RIPK1: variants seen among roughly 807,000 people sequenced by gnomAD.
The protein encoded by RIPK1 is receptor interacting serine/threonine kinase 1, also known as receptor-interacting serine/threonine-protein kinase 1.
In RIPK1, 27 loss-of-function variants were observed where a neutral mutation model predicts 62.4. The observed-to-expected ratio is 0.43, with a 90% CI of 0.32 to 0.60. The LOEUF is 0.60. RIPK1 is among the 20% of genes least tolerant of loss of function. The pLI is 0.07. For synonymous variants in RIPK1, 287 were observed against 303.2 expected (o/e 0.95, Z 0.55); for missense variants, 735 against 831.0 (o/e 0.88, Z 1.42).
chr6:3,067,287 T>C (rs1201682920), upstream of RIPK1, among the ~76,000 whole-genome samples: 3 of 152,118 alleles, frequency 2.0e-5, no homozygotes, highest in Admixed American at 6.6e-5. Flanking sequence ...TTGCTTCATC[T>C]TATGGTAAGA....
upstream of RIPK1, among the ~76,000 whole-genome samples, chr6:3,066,810 A>G (rs1352174788): frequency 1.3e-5 from 2 of 152,214 alleles, no homozygotes; most frequent in Non-Finnish European, 2.9e-5. Flanking sequence ...TTCAAGATAC[A>G]TTTGACAAAT....
chr6:3,099,265 C>T (rs1581423481), intron 7 of RIPK1, among the ~76,000 whole-genome samples: 1 of 152,186 alleles, frequency 6.6e-6, no homozygotes, highest in Non-Finnish European at 1.5e-5. Flanking sequence ...CAAAAATAGG[C>T]CGGGTGCGGT....
chr6:3,087,501 TC>T (rs1379388316), intron 6 of RIPK1, among the ~76,000 whole-genome samples: 4 of 152,092 alleles, frequency 2.6e-5, no homozygotes, highest in Admixed American at 1.3e-4. Context: ...CATTCTGTCT[TC>T]CAGTTCACTG....
At chr6:3,111,786 G>A (rs560644860) in intron 10 of RIPK1, among the ~76,000 whole-genome samples, 5 of 152,258 alleles carry the variant, frequency 3.3e-5, no homozygotes, top group African/African-American at 1.2e-4. Context: ...GAATGGTCAG[G>A]GGCACCTGTG....
chr6:3,084,304 C>T (rs541421453), intron 5 of RIPK1, among the ~76,000 whole-genome samples: 3 of 152,248 alleles, frequency 2.0e-5, no homozygotes, highest in Admixed American at 1.3e-4. Flanking sequence ...GGATGAAGTT[C>T]GAATTCCTCA....
At chr6:3,074,198 T>C (rs1223742437) in intron 1 of RIPK1, among the ~76,000 whole-genome samples, 1 of 152,226 alleles carries the variant, frequency 6.6e-6, no homozygotes, top group Non-Finnish European at 1.5e-5. Flanking sequence ...CCCTGCCCAC[T>C]CAGCCTCACC....
intron 6 of RIPK1, among the ~76,000 whole-genome samples, chr6:3,089,377 C>T (rs1759895071): frequency 6.6e-6 from 1 of 152,188 alleles, no homozygotes; most frequent in Non-Finnish European, 1.5e-5. Context: ...GAGGCAGAAA[C>T]CCCTGGTTTC....
At chr6:3,071,275 TGG>T (rs1758698567) in intron 1 of RIPK1, among the ~76,000 whole-genome samples, 1 of 152,130 alleles carries the variant, frequency 6.6e-6, no homozygotes, top group Non-Finnish European at 1.5e-5. Context: ...CATAGAAAAA[TGG>T]GGAAAAAGTT....
intron 7 of RIPK1, among the ~76,000 whole-genome samples, chr6:3,103,598 A>G (rs904305622): frequency 2.6e-5 from 4 of 151,680 alleles, no homozygotes; most frequent in Non-Finnish European, 4.4e-5. Flanking sequence ...TTATCTTTTT[A>G]CTCTTTTCAT....
intron 7 of RIPK1, among the ~76,000 whole-genome samples, chr6:3,094,470 G>A (rs1297626343): frequency 6.6e-6 from 1 of 151,310 alleles, no homozygotes; most frequent in African/African-American, 2.4e-5. Flanking sequence ...AAATCACAAT[G>A]GTATTTAGAA....
chr6:3,078,264 CAGG>C (rs1445707407), intron 3 of RIPK1, among the ~76,000 whole-genome samples: 2 of 152,108 alleles, frequency 1.3e-5, no homozygotes, highest in African/African-American at 4.8e-5. Flanking sequence ...GCACTTTTGG[CAGG>C]AGGATCACTT....
At chr6:3,076,496 C>T (rs1581384645) in intron 1 of RIPK1, among the ~76,000 whole-genome samples, 1 of 151,278 alleles carries the variant, frequency 6.6e-6, no homozygotes, top group East Asian at 2.0e-4. Context: ...AGTGAGATCC[C>T]CCGGCCCCCC....
Position 3,072,090 on chromosome 6 carries a change from A to G in RIPK1, c.-61+3429A>G, listed in dbSNP as rs1422583600. The stretch of plus-strand genomic sequence containing the variant: ...CTGATTCTCTCCTCTGTACATGCTA[A>G]GTGTTTTACCTACTTTTGCTGTTCT... On this transcript the variant is annotated intron_variant, in intron 1 of 10. Transcript: ENST00000259808. This position sits in a 1 kb window ranked among gnomAD's most constrained non-coding sequence, Gnocchi z 5.6. Among the ~76,000 whole-genome samples the G allele has an allele frequency of 1.3e-5, 2 of 152,224 alleles. No individual in the cohort carries two copies. The highest frequency in any genetic ancestry group is 2.9e-5 in the Non-Finnish European group (2 of 68,044).
intron 2 of RIPK1, 76 bp downstream of exon 2, chr6:3,077,063 G>C (rs572120581): frequency 1.4e-6 from 2 of 1,396,660 alleles, no homozygotes; most frequent in African/African-American, 1.4e-5. Context: ...GCCGTTGGCT[G>C]CTGCGGAGCC....
chr6:3,109,484 C>T (rs768374044), intron 9 of RIPK1, among the ~76,000 whole-genome samples: 1 of 152,022 alleles, frequency 6.6e-6, no homozygotes, highest in African/African-American at 2.4e-5. Context: ...GAATACTGAA[C>T]CTGAGAGGTT....
At position 3,072,873 on chromosome 6, in the gene RIPK1, A is replaced by AG. The variant is rs995402652; in HGVS notation, c.-60-3889dup. 3.3e-5 allele frequency among the ~76,000 whole-genome samples: 5 copies of AG among 150,990 alleles called. No homozygotes were observed. Among genetic ancestry groups the AG allele is most frequent in the Non-Finnish European group, 7.3e-5 (5 of 68,032 alleles). ...AGTGATGTGTAGTGAATGAAAAAGG[A>AG]GGCCTAAAATCAATGTTATCTTTTA... On this transcript the variant is annotated intron_variant, in intron 1 of 10. Coordinates refer to ENST00000259808, the MANE Select transcript of RIPK1 (RefSeq NM_001354930.2). This position sits in a 1 kb window ranked among gnomAD's most constrained non-coding sequence, Gnocchi z 5.6.
intron 6 of RIPK1, among the ~76,000 whole-genome samples, chr6:3,087,367 A>G (rs1046940819): frequency 3.3e-5 from 5 of 151,338 alleles, no homozygotes; most frequent in South Asian, 2.1e-4. Context: ...CATAAAAACT[A>G]TATCTTTGGT....
rs533195978 is a variant in RIPK1, at chr6:3,076,780, G to C, written c.-44G>C. 6.6e-4 allele frequency: 1,055 copies of C among 1,603,528 alleles called. 11 individuals are homozygous for C. The South Asian group carries it at 0.01, about 15-fold the overall frequency. On this transcript the variant is annotated 5_prime_UTR_variant, in exon 2 of 11. Coordinates refer to ENST00000259808, the MANE Select transcript of RIPK1 (RefSeq NM_001354930.2). ...TCTTTACAGGGTACAGCTCTGCCGG[G>C]GGGGGAAAAAGTGGTACCATTTTGG...
chr6:3,075,926 T>TTC (rs1759024316), intron 1 of RIPK1, among the ~76,000 whole-genome samples: 1 of 152,018 alleles, frequency 6.6e-6, no homozygotes, highest in South Asian at 2.1e-4. Flanking sequence ...AGTTCATCCT[T>TTC]TCATCAAAGG....
Sources: gnomAD v4.1 joint callset for allele counts (sites outside exome capture counted in the v4.1 genomes callset) on GRCh38, gnomAD v4.1.1 for gene constraint, Gnocchi (gnomAD v3.1) non-coding constraint, MANE v1.5 for transcripts, NCBI Gene and HGNC (gene_info 2026-07-23, HGNC 2026-07-21) for gene names.